Variants in BBS2 observed in about 807,000 individuals in gnomAD.
BBS2 encodes the protein Bardet-Biedl syndrome 2.
Under a neutral mutation model 83.0 loss-of-function variants are expected in BBS2, and 62 were observed. The observed-to-expected ratio is 0.75, with a 90% confidence interval of 0.61 to 0.92. The LOEUF (loss-of-function observed/expected upper bound fraction) is 0.92. Ranked by LOEUF, BBS2 falls within the 40% of genes least tolerant of loss-of-function variation. BBS2 has a pLI of 0.00. For missense variants in BBS2, 784 were observed against 901.0 expected (o/e 0.87, Z 1.66); for synonymous variants, 303 against 326.1 (o/e 0.93, Z 0.76).
At chr16:56,493,203 G>A (rs1415360954) in intron 15 of BBS2, among the ~76,000 whole-genome samples, 3 of 151,906 alleles carry the variant, frequency 2.0e-5, no homozygotes, top group African/African-American at 7.3e-5. Context: ...CCCAGGCAAT[G>A]TGGTGAGACC....
chr16:56,492,443 T>C (rs1437657874), intron 15 of BBS2, among the ~76,000 whole-genome samples: 1 of 152,000 alleles, frequency 6.6e-6, no homozygotes, highest in African/African-American at 2.4e-5. Flanking sequence ...TTGCATGGAG[T>C]ATCTAAAATA....
downstream of BBS2, among the ~76,000 whole-genome samples, chr16:56,479,909 GC>G (rs1337812188): frequency 1.3e-5 from 2 of 152,208 alleles, no homozygotes; most frequent in Non-Finnish European, 2.9e-5. Context: ...ACGGGCTCCA[GC>G]CCATGCCTGT....
At chr16:56,517,586 T>C (rs1282465316) in intron 1 of BBS2, among the ~76,000 whole-genome samples, 1 of 152,212 alleles carries the variant, frequency 6.6e-6, no homozygotes, top group Non-Finnish European at 1.5e-5. Flanking sequence ...ATGAAAACAC[T>C]TGCATATTCA....
Position 56,500,891 on chromosome 16 carries a change from C to G in BBS2, c.1360G>C (p.Asp454His). Residue 454 changes from aspartate to histidine, a missense_variant, in exon 11 of 17, where the codon GAT (aspartate) becomes CAT (histidine). Physicochemically the swap from Asp to His is moderately conservative, Grantham distance 81 (BLOSUM62 -1). Coordinates refer to ENST00000245157, the MANE Select transcript of BBS2 (RefSeq NM_031885.5). The stretch of plus-strand genomic sequence containing the variant: ...CCCACGAATGCCTTCAAGTGCAGAT[C>G]CACAGGGACATCTTTGGGAGGCACA... Reference protein sequence around the residue: ...PIVPPKDVPVDLHLKAFVGYR... With the variant: ...PIVPPKDVPVHLHLKAFVGYR... 6.2e-7 allele frequency: 1 copy of G among 1,614,138 alleles called. No individual in the cohort carries two copies. The highest frequency in any genetic ancestry group is 8.5e-7 in the Non-Finnish European group (1 of 1,180,022).
At chr16:56,489,940 A>G (rs935139661) in intron 15 of BBS2, among the ~76,000 whole-genome samples, 24 of 152,082 alleles carry the variant, frequency 1.6e-4, no homozygotes, top group Non-Finnish European at 2.9e-5. Flanking sequence ...TCTGGGCAAC[A>G]GAGCGAGACC....
At chr16:56,506,958 T>C (rs1455555483) in intron 5 of BBS2, among the ~76,000 whole-genome samples, 4 of 152,234 alleles carry the variant, frequency 2.6e-5, no homozygotes, top group African/African-American at 9.6e-5. Context: ...ATTCTGTTCC[T>C]AATACAAGAG....
intron 3 of BBS2, 93 bp from the exon 4 acceptor site, chr16:56,511,014 C>T (rs558885225): frequency 1.2e-5 from 19 of 1,559,152 alleles, no homozygotes; most frequent in African/African-American, 2.7e-5. Context: ...ACACAAAACA[C>T]GAATGAATGC....
intron 17 of BBS2, chr16:56,476,846 T>C (rs761503296): frequency 6.6e-6 from 1 of 152,360 alleles, no homozygotes; most frequent in Non-Finnish European, 1.5e-5. Context: ...CATACGTGAT[T>C]GCAGCCGGGC....
chr16:56,471,085 C>T (rs552312044), intron 17 of BBS2, among the ~76,000 whole-genome samples: 1 of 151,938 alleles, frequency 6.6e-6, no homozygotes, highest in East Asian at 1.9e-4. Flanking sequence ...GGTGCGGTGG[C>T]TTACACCTAT....
At chr16:56,475,597 TTA>T in intron 17 of BBS2, 1 of 1,594,664 alleles carries the variant, frequency 6.3e-7, no homozygotes, top group Non-Finnish European at 8.6e-7. Flanking sequence ...ACTATCATTT[TTA>T]GTTATTGAGA....
chr16:56,506,008 GCATGAATGCT>G lies in BBS2; in HGVS notation c.736_745del (p.Ser246LeufsTer9). ...CACTCCATCAGAATTAAGGTCAAAA[GCATGAATGCT>G]CATGGCATGATTTTTCGACTGAAAA... On this transcript the variant is annotated frameshift_variant, in exon 7 of 17. Transcript: ENST00000245157. LOFTEE classifies it high-confidence loss of function. 6.2e-7 allele frequency: 1 copy of G among 1,613,958 alleles called. No homozygotes were observed. Among genetic ancestry groups the G allele is most frequent in the Non-Finnish European group, 8.5e-7 (1 of 1,179,902 alleles).
In BBS2 at chr16:56,501,344, C is replaced by A. The variant is rs1964265945; in HGVS notation, c.1225+9G>T. ...TGCCTCTAAATACCAGCTGTGAGTA[C>A]TGTCTTACCATTAGAAGTGGAAATG... On this transcript the variant is annotated intron_variant, in intron 10 of 16. Coordinates refer to ENST00000245157, the MANE Select transcript of BBS2 (RefSeq NM_031885.5). 2 of 1,613,442 alleles carry A rather than the reference C, an allele frequency of 1.2e-6. No individual in the cohort carries two copies. The highest frequency in any genetic ancestry group is 1.3e-5 in the African/African-American group (1 of 74,794).
At chr16:56,503,919 C>CA (rs11379537) in intron 7 of BBS2, among the ~76,000 whole-genome samples, 31,925 of 108,818 alleles carry the variant, frequency 0.29, 4,086 homozygotes, top group African/African-American at 0.43. Flanking sequence ...ACTCCAGTCT[C>CA]AAAAAAAAAA....
rs113908488 is a variant in BBS2 at position 56,491,188 on chromosome 16, G to A, written c.1911-5450C>T. 5.2e-4 allele frequency among the ~76,000 whole-genome samples: 79 copies of A among 152,238 alleles called. 1 individual carries two copies. The highest frequency in any genetic ancestry group is 1.8e-3 in the African/African-American group (74 of 41,538). On this transcript the variant is annotated intron_variant, in intron 15 of 16. Transcript: ENST00000245157. ...ACCCACTATGGTTTGGATGTGGTTC[G>A]TCCCCGCCAAAACTCATGTTGAAGT...
chr16:56,501,298 A>G, intron 10 of BBS2, 55 bp downstream of exon 10: 1 of 1,603,728 alleles, frequency 6.2e-7, no homozygotes, highest in Non-Finnish European at 8.5e-7. Flanking sequence ...AAAAAAAAGA[A>G]TGACTCCAAG....
chr16:56,495,237 A>G (rs1964084252), intron 15 of BBS2, among the ~76,000 whole-genome samples: 1 of 152,118 alleles, frequency 6.6e-6, no homozygotes, highest in Non-Finnish European at 1.5e-5. Context: ...AGAATAACAG[A>G]ATTAGAATAT....
downstream of BBS2, among the ~76,000 whole-genome samples, chr16:56,483,916 G>A (rs1963703104): frequency 6.6e-6 from 1 of 151,894 alleles, no homozygotes; most frequent in East Asian, 1.9e-4. Context: ...GGCCAGGCTG[G>A]TCTCAAACTC....
At chr16:56,470,902 C>A in intron 17 of BBS2, 1 of 1,131,740 alleles carries the variant, frequency 8.8e-7, no homozygotes, top group Non-Finnish European at 1.2e-6. Flanking sequence ...AGCCCTATTT[C>A]AGGAACTGAA....
intron 15 of BBS2, among the ~76,000 whole-genome samples, chr16:56,487,194 TA>T (rs574194498): frequency 3.1e-4 from 46 of 146,884 alleles, no homozygotes; most frequent in East Asian, 1.8e-3. Context: ...TAATTTGATT[TA>T]AAAAAAAAAA....
Sources: gnomAD v4.1 joint callset for allele counts (sites outside exome capture counted in the v4.1 genomes callset) on GRCh38, gnomAD v4.1.1 for gene constraint, MANE v1.5 for transcripts, NCBI Gene and HGNC (gene_info 2026-07-23, HGNC 2026-07-21) for gene names.